The following ME3 variants were observed in gnomAD, a reference collection of about 807,000 sequenced individuals.
ME3 encodes NADP-dependent malic enzyme, mitochondrial.
ME3 carries 48 observed loss-of-function variants against 68.9 expected under a neutral mutation model. That is an observed-to-expected ratio of 0.70 (90% CI 0.55 to 0.89). The LOEUF (loss-of-function observed/expected upper bound fraction) is 0.89. Among genes scored for constraint, ME3 ranks in the 40% least tolerant of loss-of-function variants. The pLI is 0.00. For missense variants in ME3, 675 were observed against 797.4 expected (o/e 0.85, Z 1.85); for synonymous variants, 320 against 318.8 (o/e 1.00, Z -0.04).
At chr11:86,604,723 G>A (rs1961355401) in intron 2 of ME3, among the ~76,000 whole-genome samples, 1 of 152,138 alleles carries the variant, frequency 6.6e-6, no homozygotes, top group East Asian at 1.9e-4. Flanking sequence ...TAGAAAGTGT[G>A]AGTAATTTGG....
chr11:86,664,710 G>T (rs1946486613), intron 2 of ME3, among the ~76,000 whole-genome samples: 1 of 152,162 alleles, frequency 6.6e-6, no homozygotes, highest in Non-Finnish European at 1.5e-5. Context: ...CAGTGGAGAT[G>T]CTGACAGATG....
intron 8 of ME3, among the ~76,000 whole-genome samples, chr11:86,458,253 A>G (rs569306444): frequency 2.6e-5 from 4 of 152,368 alleles, no homozygotes; most frequent in East Asian, 1.9e-4. Context: ...CTTGTTCTCA[A>G]ATAAAACTCT....
intron 2 of ME3, among the ~76,000 whole-genome samples, chr11:86,581,058 G>A (rs1187704405): frequency 6.6e-6 from 1 of 152,070 alleles, no homozygotes; most frequent in Non-Finnish European, 1.5e-5. Context: ...TCTCCCCAGG[G>A]GAATAAAATA....
chr11:86,538,803 A>C lies in ME3; in HGVS notation c.467+17750T>G, dbSNP rs180697843. ...GCATCATGATCCCTGACCCAATCCAAACTCCTCACTTTGCCCTACATCCAA... is the reference window on the plus strand; with the variant it reads ...GCATCATGATCCCTGACCCAATCCACACTCCTCACTTTGCCCTACATCCAA... On this transcript the variant is annotated intron_variant, in intron 4 of 14. Coordinates refer to ENST00000543262, the Ensembl canonical transcript of ME3. Among the ~76,000 whole-genome samples, 299 of 152,108 alleles carry C rather than the reference A, an allele frequency of 2.0e-3. 3 individuals are homozygous for C. The highest frequency in any genetic ancestry group is 0.018 in the Admixed American group (276 of 15,244).
At chr11:86,620,093 C>G (rs1284048194) in intron 2 of ME3, among the ~76,000 whole-genome samples, 1 of 152,110 alleles carries the variant, frequency 6.6e-6, no homozygotes, top group East Asian at 1.9e-4. Flanking sequence ...AGACTACAAA[C>G]ACAAATCCTA....
At chr11:86,654,028 C>G (rs1945672705) in intron 2 of ME3, among the ~76,000 whole-genome samples, 1 of 152,172 alleles carries the variant, frequency 6.6e-6, no homozygotes, top group South Asian at 2.1e-4. Flanking sequence ...CACATACACC[C>G]TCCCAAGACT....
At chr11:86,671,565 TC>T (rs1238358669) in intron 2 of ME3, 196 bp downstream of exon 2, 9 of 600,056 alleles carry the variant, frequency 1.5e-5, no homozygotes, top group Non-Finnish European at 2.2e-5. Flanking sequence ...GCATTACTGG[TC>T]GCCTCTCTCC....
intron 2 of ME3, among the ~76,000 whole-genome samples, chr11:86,615,135 C>T (rs1942866929): frequency 6.6e-6 from 1 of 152,118 alleles, no homozygotes. Context: ...AATTTATGAA[C>T]TATTCTTCCA....
rs138975588 is a variant in ME3, at chr11:86,441,633, G to A, written c.1654-193C>T. On this transcript the variant is annotated intron_variant, in intron 14 of 14. Coordinates refer to ENST00000543262, the Ensembl canonical transcript of ME3. Reference sequence around the variant, plus strand: ...TCTGGACAGGCAGCTTTAACATAGTGGAATAAATACTGAGCCAGGGTCAAG... The same window carrying A: ...TCTGGACAGGCAGCTTTAACATAGTAGAATAAATACTGAGCCAGGGTCAAG... Among the ~76,000 whole-genome samples, 242 of 152,204 alleles carry A rather than the reference G, an allele frequency of 1.6e-3. 1 individual carries two copies. Among genetic ancestry groups the A allele is most frequent in the Middle Eastern group, 0.01 (3 of 292 alleles).
chr11:86,450,031 GAC>G (rs779649275), intron 9 of ME3, 29 bp from the exon 10 acceptor site: 5 of 1,514,832 alleles, frequency 3.3e-6, no homozygotes, highest in Non-Finnish European at 4.5e-6. Flanking sequence ...TAGATGTTCA[GAC>G]ACAGGGCAAA....
chr11:86,595,737 A>T (rs1186781181), intron 2 of ME3, among the ~76,000 whole-genome samples: 1 of 152,202 alleles, frequency 6.6e-6, no homozygotes, highest in East Asian at 1.9e-4. Context: ...TTAAGGGGAA[A>T]TGCTTCTGCA....
At chr11:86,517,601 C>T (rs1021411773) in intron 4 of ME3, among the ~76,000 whole-genome samples, 1 of 152,164 alleles carries the variant, frequency 6.6e-6, no homozygotes, top group Non-Finnish European at 1.5e-5. Flanking sequence ...GGACTTTGCA[C>T]TGCTTTTCAT....
intron 4 of ME3, among the ~76,000 whole-genome samples, chr11:86,524,485 A>G (rs1286806190): frequency 6.6e-6 from 1 of 152,206 alleles, no homozygotes; most frequent in African/African-American, 2.4e-5. Flanking sequence ...CTGTGAAGAT[A>G]CACCAAGATA....
chr11:86,481,491 T>C (rs1196197810), intron 7 of ME3, among the ~76,000 whole-genome samples: 1 of 152,232 alleles, frequency 6.6e-6, no homozygotes, highest in East Asian at 1.9e-4. Context: ...CAAGTTTCCT[T>C]GATGACTCAG....
intron 4 of ME3, among the ~76,000 whole-genome samples, chr11:86,512,705 A>G (rs1198656875): frequency 1.3e-5 from 2 of 152,160 alleles, no homozygotes; most frequent in Non-Finnish European, 2.9e-5. Context: ...AGAGGAAAAC[A>G]CCAGACTTTA....
chr11:86,585,004 C>G (rs1488204669), intron 2 of ME3, among the ~76,000 whole-genome samples: 3 of 152,060 alleles, frequency 2.0e-5, no homozygotes, highest in African/African-American at 7.2e-5. Flanking sequence ...TCAAACATAA[C>G]AACAAAAAAG....
chr11:86,511,699 C>G lies in ME3; in HGVS notation c.468-2832G>C, dbSNP rs531782317. 2.6e-5 allele frequency among the ~76,000 whole-genome samples: 4 copies of G among 152,304 alleles called. No homozygotes were observed. The South Asian group carries it at 8.3e-4, about 32-fold the overall frequency. ...TAGGATTATGGAAAGGGCCTGACCT[C>G]TGCTGAAATGTAGGCATAGTTTCTA... is the stretch of plus-strand genomic sequence containing the variant. On this transcript the variant is annotated intron_variant, in intron 4 of 14. Coordinates refer to ENST00000543262, the Ensembl canonical transcript of ME3.
intron 2 of ME3, among the ~76,000 whole-genome samples, chr11:86,597,301 C>G (rs1006155564): frequency 1.3e-5 from 2 of 152,206 alleles, no homozygotes; most frequent in African/African-American, 4.8e-5. Context: ...GCTTCTGGCC[C>G]AGAGTTCCTT....
intron 2 of ME3, among the ~76,000 whole-genome samples, chr11:86,594,187 C>A (rs138196493): frequency 6.8e-6 from 1 of 146,634 alleles, no homozygotes; most frequent in Non-Finnish European, 1.5e-5. Flanking sequence ...TTAGAAAGGT[C>A]GAACTATTTT....
Sources: gnomAD v4.1 joint callset for allele counts (sites outside exome capture counted in the v4.1 genomes callset) on GRCh38, gnomAD v4.1.1 for gene constraint, MANE v1.5 for transcripts, NCBI Gene and HGNC (gene_info 2026-07-23, HGNC 2026-07-21) for gene names.